RPH3A: variants seen among roughly 807,000 people sequenced by gnomAD.
RPH3A encodes the protein rabphilin-3A.
In RPH3A, 48 loss-of-function variants were observed where a neutral mutation model predicts 102.2. The observed-to-expected ratio is 0.47, with a 90% CI of 0.37 to 0.60. The LOEUF (loss-of-function observed/expected upper bound fraction) is 0.60, where lower values mean the gene tolerates loss of function less well. RPH3A is among the 20% of genes least tolerant of loss of function. The pLI, the probability that RPH3A is intolerant of heterozygous loss-of-function variation, is 0.00. For synonymous variants in RPH3A, 310 were observed against 324.3 expected (o/e 0.96, Z 0.47); for missense variants, 781 against 910.1 (o/e 0.86, Z 1.83).
intron 1 of RPH3A, among the ~76,000 whole-genome samples, chr12:112,644,230 C>T (rs985243179): frequency 1.4e-4 from 22 of 152,134 alleles, no homozygotes; most frequent in African/African-American, 5.3e-4. Context: ...ACACTAGAAG[C>T]CCAGACTTCA....
chr12:112,801,062 G>A (rs1222081973), intron 2 of RPH3A, among the ~76,000 whole-genome samples: 1 of 152,174 alleles, frequency 6.6e-6, no homozygotes, highest in Non-Finnish European at 1.5e-5. Flanking sequence ...TGGCAAAGGG[G>A]ATGACACCCT....
chr12:112,851,564 A>T (rs1335364573), intron 5 of RPH3A, among the ~76,000 whole-genome samples: 1 of 152,184 alleles, frequency 6.6e-6, no homozygotes. Flanking sequence ...CAGGCTTACC[A>T]GGAAGCATTG....
chr12:112,798,068 G>A (rs1038920237), intron 2 of RPH3A, among the ~76,000 whole-genome samples: 3 of 152,202 alleles, frequency 2.0e-5, no homozygotes, highest in African/African-American at 4.8e-5. Context: ...GAGGGCCCAG[G>A]CTGCTGTATG....
intron 3 of RPH3A, chr12:112,831,914 T>C (rs1736891478): frequency 1.2e-5 from 5 of 409,240 alleles, no homozygotes; most frequent in Admixed American, 5.6e-5. Context: ...TTCTTATTGC[T>C]TTTTTCTACT....
intron 1 of RPH3A, among the ~76,000 whole-genome samples, chr12:112,579,731 T>C (rs774563289): frequency 6.6e-6 from 1 of 152,188 alleles, no homozygotes; most frequent in Non-Finnish European, 1.5e-5. Flanking sequence ...TTTTCTATCT[T>C]CTTTTTAATT....
chr12:112,622,731 A>G (rs2039740350), intron 1 of RPH3A, among the ~76,000 whole-genome samples: 1 of 148,672 alleles, frequency 6.7e-6, no homozygotes, highest in South Asian at 2.2e-4. Context: ...CTCCTCGAGA[A>G]GAGCAACTCC....
chr12:112,672,772 C>T (rs139785261), intron 1 of RPH3A, among the ~76,000 whole-genome samples: 5 of 152,250 alleles, frequency 3.3e-5, no homozygotes, highest in Non-Finnish European at 5.9e-5. Context: ...TCCTGTTGTG[C>T]CCAGGACTGT....
intron 1 of RPH3A, among the ~76,000 whole-genome samples, chr12:112,696,347 C>G (rs763843867): frequency 7.2e-5 from 11 of 152,222 alleles, no homozygotes; most frequent in Non-Finnish European, 1.6e-4. Flanking sequence ...TGGGTAGATA[C>G]TCAGTAGTGA....
Position 112,891,001 on chromosome 12 carries a change from G to T in RPH3A, c.1773G>T (p.Lys591Asn), listed in dbSNP as rs1226498508. The T allele has an allele frequency of 6.2e-7, 1 of 1,614,020 alleles. No individual in the cohort carries two copies. Among genetic ancestry groups the T allele is most frequent in the Non-Finnish European group, 8.5e-7 (1 of 1,180,000 alleles). ...ATGGCTACTCAGACCCATTCGTCAA[G>T]CTGTAAGTCAATGCCTTGGGGCTAC... Reference protein sequence around the residue: ...DANGYSDPFVKLWLKPDMGKK... With the variant: ...DANGYSDPFVNLWLKPDMGKK... The change falls in exon 19 of 22, where the codon AAG becomes AAT. Residue 591 changes from lysine to asparagine, a missense_variant and splice_region_variant. Around this residue, in one of 2 missense-constraint regions of RPH3A, gnomAD observed 730 missense variants for 810.0 expected, o/e 0.90. Transcript: ENST00000389385.
intron 1 of RPH3A, among the ~76,000 whole-genome samples, chr12:112,681,042 A>G (rs2040222882): frequency 6.6e-6 from 1 of 152,122 alleles, no homozygotes; most frequent in Admixed American, 6.5e-5. Flanking sequence ...GAGAGGAGAA[A>G]GAGGCTCTGC....
chr12:112,774,063 C>CAAAAAAAAAAAAAAAAAAAAAAAA lies in RPH3A; in HGVS notation c.-139-18066_-139-18065insAAAAAAAAAAAAAAAAAAAAAAAA, dbSNP rs11375355. On this transcript the variant is annotated intron_variant, in intron 1 of 21. Transcript: ENST00000543106. ...TCACGCCACTGCACTCCAGCCTGGG[C>CAAAAAAAAAAAAAAAAAAAAAAAA]AAAAAAAAAAAAAAGAAAAAGAGAA... is the stretch of plus-strand genomic sequence containing the variant. Among the ~76,000 whole-genome samples the CAAAAAAAAAAAAAAAAAAAAAAAA allele has an allele frequency of 1.2e-3, 129 of 108,286 alleles. 2 individuals are homozygous for CAAAAAAAAAAAAAAAAAAAAAAAA. The highest frequency in any genetic ancestry group is 3.7e-3 in the South Asian group (12 of 3,246). 71.0% of individuals were successfully genotyped at this position (108,286 alleles called of 152,430 possible). A position where few individuals can be genotyped will look rare whatever the true frequency, so the allele number is the denominator to read the frequency against.
At chr12:112,808,510 A>C (rs1418071904) in intron 2 of RPH3A, among the ~76,000 whole-genome samples, 1 of 152,196 alleles carries the variant, frequency 6.6e-6, no homozygotes, top group Non-Finnish European at 1.5e-5. Context: ...AGAAAAGGGA[A>C]AGGCAACAAG....
chr12:112,894,681 T>C (rs1166120758), intron 20 of RPH3A, 22 bp downstream of exon 20: 1 of 1,607,612 alleles, frequency 6.2e-7, no homozygotes, highest in African/African-American at 1.3e-5. Context: ...CTATTCTTTT[T>C]CATGCTCTGG....
chr12:112,828,876 T>C (rs1240960878), intron 3 of RPH3A, among the ~76,000 whole-genome samples: 1 of 152,228 alleles, frequency 6.6e-6, no homozygotes, highest in East Asian at 1.9e-4. Context: ...CACACGAAAG[T>C]CCAGATTTCT....
chr12:112,796,741 A>G (rs2041238783), intron 2 of RPH3A, among the ~76,000 whole-genome samples: 1 of 152,240 alleles, frequency 6.6e-6, no homozygotes, highest in Admixed American at 6.5e-5. Context: ...GGCATTGGGA[A>G]TAAAATGGCA....
intron 1 of RPH3A, among the ~76,000 whole-genome samples, chr12:112,729,784 A>G (rs180757831): frequency 6.6e-6 from 1 of 152,296 alleles, no homozygotes; most frequent in East Asian, 1.9e-4. Flanking sequence ...GGACATGGAC[A>G]TGTTATTTAG....
chr12:112,601,495 T>C (rs2039559147), intron 1 of RPH3A, among the ~76,000 whole-genome samples: 1 of 152,172 alleles, frequency 6.6e-6, no homozygotes, highest in African/African-American at 2.4e-5. Flanking sequence ...GCTCTGTGAA[T>C]CAGCGTGGGT....
intron 1 of RPH3A, among the ~76,000 whole-genome samples, chr12:112,593,641 G>A (rs1241571183): frequency 1.3e-5 from 2 of 152,220 alleles, no homozygotes; most frequent in Non-Finnish European, 2.9e-5. Flanking sequence ...TGGTGCGTTA[G>A]ATTGGAAGGC....
intron 1 of RPH3A, among the ~76,000 whole-genome samples, chr12:112,759,576 G>C (rs2040841846): frequency 6.6e-6 from 1 of 152,184 alleles, no homozygotes; most frequent in Non-Finnish European, 1.5e-5. Flanking sequence ...GCTGGGATTT[G>C]AACACAGATC....
Sources: gnomAD v4.1 joint callset for allele counts (sites outside exome capture counted in the v4.1 genomes callset) on GRCh38, gnomAD v4.1.1 for gene constraint, gnomAD v4.1.1 regional missense constraint, MANE v1.5 for transcripts, NCBI Gene and HGNC (gene_info 2026-07-23, HGNC 2026-07-21) for gene names.